Variants in SMARCD1 observed in about 807,000 individuals in gnomAD.
SMARCD1 encodes SWI/SNF-related matrix-associated actin-dependent regulator of chromatin subfamily D member 1.
Under a neutral mutation model 70.8 loss-of-function variants are expected in SMARCD1, and 16 were observed. The observed-to-expected ratio is 0.23, with a 90% CI of 0.15 to 0.34. SMARCD1 has a LOEUF of 0.34. Among genes scored for constraint, SMARCD1 ranks in the 10% least tolerant of loss-of-function variants. The pLI is 1.00. For missense variants in SMARCD1, 409 were observed against 655.5 expected, an observed-to-expected ratio of 0.62 and a Z score of 4.11; for synonymous variants, 249 against 246.0, an observed-to-expected ratio of 1.01 and a Z score of -0.11.
chr12:50,088,737 C>T, intron 6 of SMARCD1, 100 bp downstream of exon 6: 1 of 658,386 alleles, frequency 1.5e-6, no homozygotes, highest in East Asian at 2.7e-5. Context: ...ATAAAGTAGT[C>T]ACTCTAGGTG....
rs771405936 is a variant in SMARCD1, at chr12:50,090,261, C to T, written c.894C>T (p.Asp298=). Reference sequence around the variant, plus strand: ...TGCAGCCTCCCCAGTTTAAATTAGACCCCCGCCTAGCTCGACTCCTGGGCA... The same window carrying T: ...TGCAGCCTCCCCAGTTTAAATTAGATCCCCGCCTAGCTCGACTCCTGGGCA... The part of the protein sequence containing the change: ...LDYQPPQFKL[D]PRLARLLGIH... The change falls in exon 8 of 13, where the codon GAC becomes GAT. Residue 298 remains aspartate, a synonymous_variant. Coordinates refer to ENST00000394963, the MANE Select transcript of SMARCD1 (RefSeq NM_003076.5). 6.2e-7 allele frequency: 1 copy of T among 1,613,276 alleles called. No individual in the cohort carries two copies. Among genetic ancestry groups the T allele is most frequent in the Non-Finnish European group, 8.5e-7 (1 of 1,179,592 alleles).
chr12:50,089,431 C>A (rs1950821174), intron 6 of SMARCD1: 1 of 157,378 alleles, frequency 6.4e-6, no homozygotes, highest in African/African-American at 2.4e-5. Context: ...GTGGCTCCGC[C>A]ACTTACTGGC....
At chr12:50,097,068 G>C in intron 11 of SMARCD1, 96 bp downstream of exon 11, 1 of 1,240,572 alleles carries the variant, frequency 8.1e-7, no homozygotes, top group South Asian at 1.7e-5. Context: ...AGAGGAAGGA[G>C]TGAGGGGCCA....
intron 10 of SMARCD1, 26 bp from the exon 11 acceptor site, chr12:50,096,824 G>C: frequency 6.3e-7 from 1 of 1,587,360 alleles, no homozygotes; most frequent in Non-Finnish European, 8.6e-7. Context: ...GTTTGAAAAT[G>C]GTATGAGCTT....
At chr12:50,086,699 T>G (rs896433425) in intron 3 of SMARCD1, 36 bp downstream of exon 3, 1 of 1,613,948 alleles carries the variant, frequency 6.2e-7, no homozygotes, top group Non-Finnish European at 8.5e-7. Flanking sequence ...GAAAGTGTGG[T>G]GAGTTTGAGT....
rs1242928768 is a variant in SMARCD1 at position 50,099,372 on chromosome 12, C to T, written c.*372C>T. 7.2e-5 allele frequency: 33 copies of T among 459,038 alleles called. No homozygotes were observed. Among genetic ancestry groups the T allele is most frequent in the Non-Finnish European group, 1.2e-4 (32 of 261,190 alleles). 28.4% of individuals were successfully genotyped at this position (459,038 alleles called of 1,614,324 possible). The stretch of plus-strand genomic sequence containing the variant: ...TAACTGATCCTGCCCTTCAGAGACC[C>T]AGGAGTTGGGAGCTTTCGCTCCTTC... On this transcript the variant is annotated 3_prime_UTR_variant, in exon 13 of 13. Coordinates refer to ENST00000394963, the MANE Select transcript of SMARCD1 (RefSeq NM_003076.5).
At chr12:50,091,768 G>T (rs1480704061) in intron 9 of SMARCD1, among the ~76,000 whole-genome samples, 1 of 72,320 alleles carries the variant, frequency 1.4e-5, no homozygotes. Context: ...TAGTAGAGAC[G>T]GGGCTTCACC....
At chr12:50,098,632 T>A in intron 11 of SMARCD1, 82 bp from the exon 12 acceptor site, 1 of 1,097,910 alleles carries the variant, frequency 9.1e-7, no homozygotes, top group Non-Finnish European at 1.4e-6. Flanking sequence ...AAGGATACAA[T>A]TTACCCAATA....
rs756994091 is a variant in SMARCD1 at position 50,098,715 on chromosome 12, C to G, written c.1394C>G (p.Thr465Arg). The change falls in exon 12 of 13, where the codon ACA becomes AGA. Residue 465 changes from threonine (T) to arginine (R), a missense_variant and splice_region_variant. This residue lies in a region of SMARCD1 where 269 missense variants were observed against 498.6 expected (regional missense o/e 0.54). Transcript: ENST00000394963. ...ACCCTGCATCTCCATTTCCCTCAGACAATGACTGATGTGGTGGGTAACCCA... is the reference window on the plus strand; with the variant it reads ...ACCCTGCATCTCCATTTCCCTCAGAGAATGACTGATGTGGTGGGTAACCCA... ...WLQSQCRDLK[T>R]MTDVVGNPEE... 3 of 1,612,738 alleles carry G rather than the reference C, an allele frequency of 1.9e-6. No individual in the cohort carries two copies. Among genetic ancestry groups the G allele is most frequent in the Non-Finnish European group, 2.5e-6 (3 of 1,178,698 alleles).
At position 50,085,794 on chromosome 12, in the gene SMARCD1, A is replaced by G. The variant is rs189195538; in HGVS notation, c.177+248A>G. On this transcript the variant is annotated intron_variant, in intron 1 of 12. Coordinates refer to ENST00000394963, the MANE Select transcript of SMARCD1 (RefSeq NM_003076.5). The stretch of plus-strand genomic sequence containing the variant: ...GTGAAGTGGGTCCAGGGATACCTGT[A>G]TGAGGGCCGGAGTGCAAAGGGGCTT... The G allele has an allele frequency of 5.9e-3, 2,338 of 397,128 alleles. 49 individuals are homozygous for G. Among genetic ancestry groups the G allele is most frequent in the African/African-American group, 0.043 (2,086 of 48,610 alleles). 24.6% of individuals were successfully genotyped at this position (397,128 alleles called of 1,614,324 possible).
At chr12:50,097,844 T>C (rs1047641694) in intron 11 of SMARCD1, among the ~76,000 whole-genome samples, 1 of 148,800 alleles carries the variant, frequency 6.7e-6, no homozygotes, top group African/African-American at 2.5e-5. Context: ...TGAGCCGAGA[T>C]TGCGCCACTG....
At chr12:50,094,652 C>A in intron 10 of SMARCD1, 80 bp downstream of exon 10, 1 of 1,388,214 alleles carries the variant, frequency 7.2e-7, no homozygotes, top group Non-Finnish European at 1.0e-6. Context: ...TCTTAGTGTT[C>A]ATTCAAAATA....
chr12:50,094,263 G>GTA (rs1950872462), intron 9 of SMARCD1, among the ~76,000 whole-genome samples, 174 bp from the exon 10 acceptor site: 2 of 152,132 alleles, frequency 1.3e-5, no homozygotes, highest in Admixed American at 6.5e-5. Context: ...TGCCAGATCT[G>GTA]TACACCATGT....
chr12:50,085,527 T>C lies in SMARCD1; in HGVS notation c.158T>C (p.Met53Thr), dbSNP rs1950778684. ...APGQGLYRSP[M>T]PGAAYPRPGM... ...GGTCAAGGGCTGTACCGCTCCCCGA[T>C]GCCCGGAGCGGCCTATCCGGTGAGT... is the stretch of plus-strand genomic sequence containing the variant. The change falls in exon 1 of 13, where the codon ATG (methionine) becomes ACG (threonine). Residue 53 changes from methionine to threonine, a missense_variant. Met to Thr is a moderately conservative substitution (Grantham distance 81). This residue lies in a region of SMARCD1 where 140 missense variants were observed against 156.9 expected (regional missense o/e 0.89). Transcript: ENST00000394963. 3 of 1,221,024 alleles carry C rather than the reference T, an allele frequency of 2.5e-6. No individual in the cohort carries two copies. The highest frequency in any genetic ancestry group is 1.0e-6 in the Non-Finnish European group (1 of 981,974). 75.6% of individuals were successfully genotyped at this position (1,221,024 alleles called of 1,614,324 possible). A position where few individuals can be genotyped will look rare whatever the true frequency, so the allele number is the denominator to read the frequency against.
At chr12:50,087,297 G>A (rs1950800384) in intron 4 of SMARCD1, 66 bp from the exon 5 acceptor site, 2 of 1,580,968 alleles carry the variant, frequency 1.3e-6, no homozygotes, top group Non-Finnish European at 1.7e-6. Context: ...GGGGTTTGGG[G>A]AGACCGTTGT....
At position 50,085,420 on chromosome 12, in the gene SMARCD1, A is replaced by G. The variant is rs770736273; in HGVS notation, c.51A>G (p.Gly17=). Residue 17 remains glycine, a synonymous_variant, in exon 1 of 13, where the codon GGA becomes GGG. Coordinates refer to ENST00000394963, the MANE Select transcript of SMARCD1 (RefSeq NM_003076.5). ...CTGTGGCTCCAAGCGGCGGCGCCGG[A>G]GCCTCAGGAGGGGCGGGCGCGGCTG... ...FQSVAPSGGA[G]ASGGAGAAAA... The G allele has an allele frequency of 4.3e-5, 54 of 1,250,978 alleles. No individual in the cohort carries two copies. The East Asian group carries it at 1.4e-3, about 33-fold the overall frequency. The allele number at this position is 1,250,978 out of a possible 1,614,324, so 77.5% of individuals were successfully genotyped here.
intron 9 of SMARCD1, among the ~76,000 whole-genome samples, chr12:50,091,797 T>C (rs988203125): frequency 2.6e-5 from 4 of 151,880 alleles, no homozygotes; most frequent in Non-Finnish European, 4.4e-5. Flanking sequence ...CAGGCTGATC[T>C]CAAACTCCTG....
intron 10 of SMARCD1, among the ~76,000 whole-genome samples, chr12:50,095,588 A>G (rs1336187766): frequency 2.0e-5 from 3 of 152,088 alleles, no homozygotes; most frequent in East Asian, 1.9e-4. Flanking sequence ...CGGCCTCCCA[A>G]AGTGCTGGGA....
intron 9 of SMARCD1, 128 bp downstream of exon 9, chr12:50,090,718 A>C (rs1378572603): frequency 1.7e-6 from 1 of 586,354 alleles, no homozygotes; most frequent in Admixed American, 3.3e-5. Context: ...TGTTACTTAC[A>C]ATTAAATTAC....
Sources: gnomAD v4.1 joint callset for allele counts (sites outside exome capture counted in the v4.1 genomes callset) on GRCh38, gnomAD v4.1.1 for gene constraint, gnomAD v4.1.1 regional missense constraint, MANE v1.5 for transcripts, NCBI Gene and HGNC (gene_info 2026-07-23, HGNC 2026-07-21) for gene names.